STK3: variants seen among roughly 807,000 people sequenced by gnomAD.
The protein encoded by STK3 is serine/threonine-protein kinase 3.
In STK3, 41 loss-of-function variants were observed where a neutral mutation model predicts 58.0. That is an observed-to-expected ratio of 0.71 (90% CI 0.55 to 0.92). The LOEUF (loss-of-function observed/expected upper bound fraction) is 0.92. STK3 is among the 40% of genes least tolerant of loss of function. STK3 has a pLI of 0.00. For missense variants in STK3, 479 were observed against 602.7 expected (o/e 0.79, Z 2.15); for synonymous variants, 170 against 191.0 (o/e 0.89, Z 0.91).
intron 6 of STK3, among the ~76,000 whole-genome samples, chr8:98,676,850 A>G (rs981534434): frequency 1.3e-5 from 2 of 152,168 alleles, no homozygotes; most frequent in African/African-American, 2.4e-5. Flanking sequence ...TTCACTCTAA[A>G]TTATTTTTAA....
chr8:98,507,918 T>C (rs548347579), intron 10 of STK3, among the ~76,000 whole-genome samples: 17 of 152,298 alleles, frequency 1.1e-4, no homozygotes, highest in Admixed American at 1.1e-3. Context: ...TACTCAATAT[T>C]GCAAGCCCTT....
intron 3 of STK3, among the ~76,000 whole-genome samples, chr8:98,839,464 C>G (rs1835881126): frequency 6.6e-6 from 1 of 152,112 alleles, no homozygotes; most frequent in Non-Finnish European, 1.5e-5. Flanking sequence ...TATTTTTGTT[C>G]CTTTCAAACA....
At chr8:98,904,917 G>A in intron 1 of STK3, 1 of 700,572 alleles carries the variant, frequency 1.4e-6, no homozygotes, top group African/African-American at 1.8e-5. Context: ...AGGCAGATGG[G>A]ACATGGTCTG....
At chr8:98,560,443 TA>T (rs201078251) in intron 8 of STK3, among the ~76,000 whole-genome samples, 2 of 151,468 alleles carry the variant, frequency 1.3e-5, no homozygotes, top group East Asian at 1.9e-4. Flanking sequence ...AATTTGAAAT[TA>T]AAAAAAATTT....
intron 3 of STK3, among the ~76,000 whole-genome samples, chr8:98,751,881 A>G (rs1830008910): frequency 6.6e-6 from 1 of 152,166 alleles, no homozygotes; most frequent in South Asian, 2.1e-4. Context: ...CGGAGGTTGC[A>G]GTGAGCTGAG....
chr8:98,547,756 A>G (rs1449565821), intron 9 of STK3, among the ~76,000 whole-genome samples: 1 of 152,174 alleles, frequency 6.6e-6, no homozygotes, highest in African/African-American at 2.4e-5. Context: ...AAAAAGTTCC[A>G]TAACTCTAAG....
At chr8:98,385,632 C>A (rs57082678) in intron 1 of STK3, among the ~76,000 whole-genome samples, 11,362 of 152,082 alleles carry the variant, frequency 0.075, 1,037 homozygotes, top group African/African-American at 0.18. Flanking sequence ...GCAGTGCCCC[C>A]GTCCGTCACT....
chr8:98,922,846 C>A (rs1210831928), intron 1 of STK3, among the ~76,000 whole-genome samples: 1 of 152,178 alleles, frequency 6.6e-6, no homozygotes, highest in Admixed American at 6.5e-5. Context: ...TTTCTTAATG[C>A]ACACATACTC....
chr8:98,502,025 T>G (rs1234305596), intron 10 of STK3, among the ~76,000 whole-genome samples: 1 of 152,242 alleles, frequency 6.6e-6, no homozygotes, highest in Non-Finnish European at 1.5e-5. Flanking sequence ...TATTGATGCC[T>G]CCTATCCATG....
intron 1 of STK3, among the ~76,000 whole-genome samples, chr8:98,439,638 GT>G (rs1818620170): frequency 6.6e-6 from 1 of 152,208 alleles, no homozygotes; most frequent in Admixed American, 6.5e-5. Context: ...CATCAGAGCA[GT>G]GGTCAACACA....
chr8:98,416,953 C>G lies in STK3; in HGVS notation n.484-15440G>C, dbSNP rs148705864. 1.6e-3 allele frequency among the ~76,000 whole-genome samples: 246 copies of G among 152,282 alleles called. 7 individuals carry two copies. In the East Asian group the frequency reaches 0.045, roughly 28 times the overall value. Reference sequence around the variant, plus strand: ...TTGTCCTGGGGGAATCCTCCAGAGCCCACAGACAGACCAGCCAGATGGCAG... The same window carrying G: ...TTGTCCTGGGGGAATCCTCCAGAGCGCACAGACAGACCAGCCAGATGGCAG... On this transcript the variant is annotated intron_variant and non_coding_transcript_variant, in intron 3 of 3. Coordinates refer to the STK3 transcript ENST00000517832.
chr8:98,562,737 GAAAAAAAAAAAAA>G (rs778049177), intron 8 of STK3, among the ~76,000 whole-genome samples: 2 of 17,406 alleles, frequency 1.1e-4, no homozygotes, highest in African/African-American at 5.8e-4. Flanking sequence ...CACAAAAAAT[GAAAAAAAAAAAAA>G]AAAAAAAAAA....
At chr8:98,637,701 A>C (rs1819719122) in intron 6 of STK3, among the ~76,000 whole-genome samples, 1 of 152,218 alleles carries the variant, frequency 6.6e-6, no homozygotes, top group South Asian at 2.1e-4. Context: ...TGTCTAAAAA[A>C]GTATAATAAT....
At chr8:98,872,104 G>T (rs1837399916) in intron 3 of STK3, among the ~76,000 whole-genome samples, 1 of 152,198 alleles carries the variant, frequency 6.6e-6, no homozygotes, top group African/African-American at 2.4e-5. Context: ...AGATAATCAT[G>T]TGGTTTTTGT....
intron 6 of STK3, among the ~76,000 whole-genome samples, chr8:98,620,619 C>G (rs1046510008): frequency 1.3e-5 from 2 of 149,456 alleles, no homozygotes; most frequent in African/African-American, 4.9e-5. Flanking sequence ...ACACATGCTG[C>G]TACTTGAAGA....
chr8:98,815,568 A>G (rs1436796009), intron 1 of STK3, among the ~76,000 whole-genome samples: 1 of 152,098 alleles, frequency 6.6e-6, no homozygotes, highest in Non-Finnish European at 1.5e-5. Flanking sequence ...TCCTGAAGAG[A>G]CTCCCACTAA....
At chr8:98,838,647 A>C (rs1835841348) in intron 3 of STK3, among the ~76,000 whole-genome samples, 1 of 152,198 alleles carries the variant, frequency 6.6e-6, no homozygotes, top group South Asian at 2.1e-4. Context: ...AATTGCAAAA[A>C]GTTTGGAAAG....
chr8:98,709,946 G>A (rs1003163108), intron 4 of STK3, among the ~76,000 whole-genome samples: 1 of 151,702 alleles, frequency 6.6e-6, no homozygotes, highest in African/African-American at 2.4e-5. Flanking sequence ...TAAAGTAATG[G>A]CAAAAACCGA....
intron 8 of STK3, among the ~76,000 whole-genome samples, chr8:98,548,552 C>A (rs1015655764): frequency 2.6e-5 from 4 of 152,110 alleles, no homozygotes; most frequent in African/African-American, 9.7e-5. Flanking sequence ...ATGTCTATAA[C>A]CTTGTAAAAC....
Sources: allele counts gnomAD v4.1 joint callset (sites outside exome capture counted in the v4.1 genomes callset), GRCh38; gene constraint gnomAD v4.1.1; transcripts MANE v1.5; gene names NCBI Gene and HGNC (gene_info 2026-07-23, HGNC 2026-07-21).